Variants in DHX8 observed in about 807,000 individuals in gnomAD.
DHX8 encodes ATP-dependent RNA helicase DHX8.
A neutral mutation model predicts 140.7 loss-of-function variants in DHX8; 67 were observed. That is an observed-to-expected ratio of 0.48 (90% CI 0.39 to 0.58). The LOEUF (loss-of-function observed/expected upper bound fraction) is 0.58, where lower values mean the gene tolerates loss of function less well. DHX8 is among the 20% of genes least tolerant of loss of function. The pLI is 0.00. For synonymous variants in DHX8, 533 were observed against 553.2 expected (o/e 0.96, Z 0.51); for missense variants, 887 against 1,550.7 (o/e 0.57, Z 7.19).
At chr17:43,493,133 A>G in intron 6 of DHX8, 93 bp downstream of exon 6, 5 of 1,501,262 alleles carry the variant, frequency 3.3e-6, no homozygotes, top group East Asian at 2.3e-5. Flanking sequence ...ACTTTGATTA[A>G]TGACACTTTA....
At chr17:43,529,208 T>C (rs2154587029), downstream of DHX8, 1 of 1,613,920 alleles carries the variant, frequency 6.2e-7, no homozygotes, top group African/African-American at 1.3e-5. Flanking sequence ...GGCTGGCCGG[T>C]TCTTCTGGAT....
rs560818759 is a variant in DHX8 at position 43,492,100 on chromosome 17, T to G, written c.394-83T>G. ...TCTTCTATTTCCCTCACATAGTGAT[T>G]AGTGATTTATAGATGTACCTGAGGT... On this transcript the variant is annotated intron_variant, in intron 4 of 22. Transcript: ENST00000262415. 2.4e-5 allele frequency: 21 copies of G among 891,908 alleles called. No individual in the cohort carries two copies. The African/African-American group carries it at 3.1e-4, about 13-fold the overall frequency. 55.2% of individuals were successfully genotyped at this position (891,908 alleles called of 1,614,324 possible). A position where few individuals can be genotyped will look rare whatever the true frequency, so the allele number is the denominator to read the frequency against.
rs118125630 is a variant in DHX8, at chr17:43,503,073, T to C, written c.1547-1571T>C. On this transcript the variant is annotated intron_variant, in intron 11 of 22. Coordinates refer to ENST00000262415, the MANE Select transcript of DHX8 (RefSeq NM_004941.3). Reference sequence around the variant, plus strand: ...AATTCCAAGGTGAATCTTGAAAATATAAGCTAGGTCTGGGCAAGGTGGCTC... The same window carrying C: ...AATTCCAAGGTGAATCTTGAAAATACAAGCTAGGTCTGGGCAAGGTGGCTC... Among the ~76,000 whole-genome samples the C allele has an allele frequency of 6.2e-3, 940 of 152,230 alleles. 3 individuals carry two copies. The highest frequency in any genetic ancestry group is 9.0e-3 in the Non-Finnish European group (611 of 68,002).
At chr17:43,525,886 GT>G (rs1392617967), downstream of DHX8, 2 of 885,476 alleles carry the variant, frequency 2.3e-6, no homozygotes, top group Non-Finnish European at 2.7e-6. Context: ...GGGAGGGAGG[GT>G]TGGGTTTCAA....
chr17:43,526,799 T>A (rs1970634521), downstream of DHX8: 1 of 990,364 alleles, frequency 1.0e-6, no homozygotes, highest in Admixed American at 3.3e-5. Context: ...AACCTGTTTT[T>A]AAAATTTTGT....
At chr17:43,510,958 A>C (rs903294372) in intron 16 of DHX8, among the ~76,000 whole-genome samples, 1 of 152,178 alleles carries the variant, frequency 6.6e-6, no homozygotes, top group Non-Finnish European at 1.5e-5. Flanking sequence ...AGTATGTATC[A>C]ATACTTCATT....
At chr17:43,484,498 C>T (rs1437937705) in intron 1 of DHX8, among the ~76,000 whole-genome samples, 7 of 152,156 alleles carry the variant, frequency 4.6e-5, no homozygotes, top group Non-Finnish European at 7.3e-5. Flanking sequence ...GCGATGACGA[C>T]GATGATGGCT....
At chr17:43,495,303 C>T (rs1484850741) in intron 8 of DHX8, among the ~76,000 whole-genome samples, 2 of 152,136 alleles carry the variant, frequency 1.3e-5, no homozygotes, top group South Asian at 2.1e-4. Flanking sequence ...GAGGCAAGTT[C>T]TTACTTGCAC....
chr17:43,489,386 C>T, intron 1 of DHX8, 63 bp from the exon 2 acceptor site: 1 of 1,149,546 alleles, frequency 8.7e-7, no homozygotes, highest in Non-Finnish European at 1.3e-6. Context: ...TTGTTTTCAC[C>T]ATACTTGAAA....
In DHX8 at chr17:43,484,001, C is replaced by G; in HGVS notation, c.-37C>G. ...ACCCGGCCGGAGTAGCTCTGAGCGC[C>G]GGCTGTGAGGAAGGAGGTTCTGGGC... On this transcript the variant is annotated 5_prime_UTR_variant, in exon 1 of 23. Transcript: ENST00000262415. 6.2e-7 allele frequency: 1 copy of G among 1,611,806 alleles called. No individual in the cohort carries two copies. Among genetic ancestry groups the G allele is most frequent in the Middle Eastern group, 1.7e-4 (1 of 6,042 alleles).
At chr17:43,529,289 T>TG, downstream of DHX8, 1 of 1,570,946 alleles carries the variant, frequency 6.4e-7, no homozygotes. Context: ...GAGGAAAAAA[T>TG]GGGGGTAAGG....
At chr17:43,495,589 TAATA>T (rs1333995655) in intron 8 of DHX8, among the ~76,000 whole-genome samples, 1 of 152,192 alleles carries the variant, frequency 6.6e-6, no homozygotes, top group Non-Finnish European at 1.5e-5. Context: ...ACGTATTATA[TAATA>T]AATGTACCAG....
intron 3 of DHX8, among the ~76,000 whole-genome samples, chr17:43,542,923 C>A (rs1000120669): frequency 1.3e-5 from 2 of 152,184 alleles, no homozygotes; most frequent in African/African-American, 4.8e-5. Flanking sequence ...AGAAGCTAGT[C>A]CCTCCCTGCC....
chr17:43,525,094 C>G lies in DHX8; in HGVS notation c.*1247C>G, dbSNP rs1970566930. The stretch of plus-strand genomic sequence containing the variant: ...CAGTTGAGAGCCACTGTCCTCTGCA[C>G]TGAGGAGGCTCCTTACCTGGCGGAA... On this transcript the variant is annotated 3_prime_UTR_variant, in exon 23 of 23. Coordinates refer to ENST00000262415, the MANE Select transcript of DHX8 (RefSeq NM_004941.3). The G allele has an allele frequency of 1.0e-6, 1 of 985,334 alleles. No individual in the cohort carries two copies. Among genetic ancestry groups the G allele is most frequent in the South Asian group, 4.7e-5 (1 of 21,294 alleles). The allele number at this position is 985,334 out of a possible 1,614,324, so 61.0% of individuals were successfully genotyped here.
chr17:43,524,306 C>G lies in DHX8; in HGVS notation c.*459C>G. 1 of 1,003,922 alleles carries G rather than the reference C, an allele frequency of 1.0e-6. No homozygotes were observed. 62.2% of individuals were successfully genotyped at this position (1,003,922 alleles called of 1,614,324 possible). A position where few individuals can be genotyped will look rare whatever the true frequency, so the allele number is the denominator to read the frequency against. On this transcript the variant is annotated 3_prime_UTR_variant, in exon 23 of 23. Coordinates refer to ENST00000262415, the MANE Select transcript of DHX8 (RefSeq NM_004941.3). ...TTGACCTCGTGGAAATATTTATTTT[C>G]TTAAGGAAACAAAAATGGTTTTCTG... is the stretch of plus-strand genomic sequence containing the variant.
chr17:43,530,520 A>G (rs539119288), downstream of DHX8: 2 of 1,043,716 alleles, frequency 1.9e-6, no homozygotes, highest in Non-Finnish European at 2.5e-6. Flanking sequence ...ACGTCCGGGG[A>G]AAGAGTTCGG....
At chr17:43,520,306 T>A (rs923131913) in intron 19 of DHX8, 39 bp downstream of exon 19, 3 of 1,606,224 alleles carry the variant, frequency 1.9e-6, no homozygotes, top group Non-Finnish European at 2.6e-6. Context: ...TTTGGGAAGA[T>A]TCCCTGGTCA....
intron 11 of DHX8, 120 bp from the exon 12 acceptor site, chr17:43,504,524 G>C: frequency 1.1e-6 from 1 of 943,076 alleles, no homozygotes; most frequent in Non-Finnish European, 1.6e-6. Context: ...GAGTACTTTT[G>C]ATCACGGGTC....
intron 11 of DHX8, among the ~76,000 whole-genome samples, chr17:43,501,854 G>A (rs1969217602): frequency 6.6e-6 from 1 of 152,166 alleles, no homozygotes; most frequent in South Asian, 2.1e-4. Context: ...ATGATTGAGG[G>A]TGCCCTGCAG....
Sources: gnomAD v4.1 joint callset for allele counts (sites outside exome capture counted in the v4.1 genomes callset) on GRCh38, gnomAD v4.1.1 for gene constraint, MANE v1.5 for transcripts, NCBI Gene and HGNC (gene_info 2026-07-23, HGNC 2026-07-21) for gene names.